Variants in DISC1 observed in about 807,000 individuals in gnomAD.
The protein encoded by DISC1 is DISC1 scaffold protein.
Under a neutral mutation model 84.5 loss-of-function variants are expected in DISC1, and 57 were observed. The ratio of observed to expected loss-of-function variants is 0.67; its 90% confidence interval spans 0.55 to 0.84. The LOEUF is 0.84. Among genes scored for constraint, DISC1 ranks in the 40% least tolerant of loss-of-function variants. DISC1 has a pLI of 0.00. For missense variants in DISC1, 1,000 were observed against 1,057.8 expected, an observed-to-expected ratio of 0.95 and a Z score of 0.76; for synonymous variants, 411 against 415.2, an observed-to-expected ratio of 0.99 and a Z score of 0.12.
At chr1:231,867,019 A>T (rs1333258131) in intron 9 of DISC1, among the ~76,000 whole-genome samples, 1 of 152,154 alleles carries the variant, frequency 6.6e-6, no homozygotes, top group Non-Finnish European at 1.5e-5. Context: ...ATAACACATA[A>T]ATCAACACAA....
intron 9 of DISC1, among the ~76,000 whole-genome samples, chr1:231,878,650 A>C (rs1328878783): frequency 6.6e-6 from 1 of 152,032 alleles, no homozygotes; most frequent in African/African-American, 2.4e-5. Context: ...TTTTTACTGG[A>C]GTGTAATATG....
At chr1:231,726,636 C>T (rs188354513) in intron 3 of DISC1, among the ~76,000 whole-genome samples, 59 of 152,270 alleles carry the variant, frequency 3.9e-4, no homozygotes, top group African/African-American at 1.4e-3. Context: ...AGACAATATT[C>T]TCAAAAGCAG....
intron 2 of DISC1, among the ~76,000 whole-genome samples, chr1:231,701,422 G>T (rs1463974195): frequency 2.0e-5 from 3 of 152,176 alleles, no homozygotes; most frequent in African/African-American, 7.2e-5. Flanking sequence ...CTCCATGTGG[G>T]TTAAATAAGA....
intron 9 of DISC1, among the ~76,000 whole-genome samples, chr1:231,894,633 G>A (rs1772686): frequency 0.37 from 56,478 of 151,404 alleles, 10,879 homozygotes; most frequent in African/African-American, 0.46. Flanking sequence ...ATTTTTTAAA[G>A]TTTCCATCTG....
chr1:231,752,336 G>A (rs374049456), intron 4 of DISC1, among the ~76,000 whole-genome samples: 4 of 152,286 alleles, frequency 2.6e-5, no homozygotes, highest in African/African-American at 7.2e-5. Context: ...TACAATCATG[G>A]TGGAAGGTGA....
intron 3 of DISC1, chr1:231,721,052 C>A: frequency 7.7e-7 from 1 of 1,290,862 alleles, no homozygotes. Context: ...GGAACTTTTC[C>A]CAGCTTTTTT....
intron 1 of DISC1, among the ~76,000 whole-genome samples, chr1:231,658,039 G>T (rs973631037): frequency 6.6e-6 from 1 of 152,140 alleles, no homozygotes; most frequent in African/African-American, 2.4e-5. Flanking sequence ...AGTTTAATGG[G>T]AATAGCATTG....
At chr1:231,997,851 A>T (rs1243040949) in intron 10 of DISC1, among the ~76,000 whole-genome samples, 1 of 152,222 alleles carries the variant, frequency 6.6e-6, no homozygotes, top group Non-Finnish European at 1.5e-5. Context: ...GACCAGCCTA[A>T]GTAGTAAATA....
At chr1:231,739,777 A>G (rs1337164155) in intron 3 of DISC1, among the ~76,000 whole-genome samples, 1 of 152,226 alleles carries the variant, frequency 6.6e-6, no homozygotes, top group African/African-American at 2.4e-5. Flanking sequence ...AGTCTTGTCA[A>G]TCATTTTCAA....
At chr1:231,875,707 T>G (rs2085838987) in intron 9 of DISC1, among the ~76,000 whole-genome samples, 1 of 152,216 alleles carries the variant, frequency 6.6e-6, no homozygotes, top group African/African-American at 2.4e-5. Flanking sequence ...CATGGTCATT[T>G]TCACTCTCCT....
chr1:231,747,738 T>A (rs1334528300), intron 3 of DISC1, among the ~76,000 whole-genome samples: 2 of 152,172 alleles, frequency 1.3e-5, no homozygotes, highest in Non-Finnish European at 2.9e-5. Flanking sequence ...TTACTTTGGT[T>A]ATTTGGGGTC....
At chr1:231,685,948 T>C (rs2064218577) in intron 1 of DISC1, among the ~76,000 whole-genome samples, 1 of 152,150 alleles carries the variant, frequency 6.6e-6, no homozygotes, top group Admixed American at 6.5e-5. Flanking sequence ...ACAGGGCCCA[T>C]GCAAGTCCAA....
intron 1 of DISC1, among the ~76,000 whole-genome samples, chr1:231,650,941 T>C (rs1407806409): frequency 1.3e-5 from 2 of 152,192 alleles, no homozygotes; most frequent in African/African-American, 4.8e-5. Flanking sequence ...CTCTACACTG[T>C]TTATTCTAGT....
intron 9 of DISC1, among the ~76,000 whole-genome samples, chr1:231,916,641 C>T (rs1387172733): frequency 8.2e-6 from 1 of 121,658 alleles, no homozygotes; most frequent in Non-Finnish European, 1.6e-5. Flanking sequence ...GGCGACAGAG[C>T]GAGACTCCGT....
intron 9 of DISC1, among the ~76,000 whole-genome samples, chr1:231,843,430 G>T (rs2083225725): frequency 6.6e-6 from 1 of 152,044 alleles, no homozygotes; most frequent in Non-Finnish European, 1.5e-5. Flanking sequence ...TTTAAGCAGG[G>T]AGTGATCTGA....
At chr1:231,776,164 T>G (rs1448349168) in intron 6 of DISC1, among the ~76,000 whole-genome samples, 1 of 152,184 alleles carries the variant, frequency 6.6e-6, no homozygotes, top group Non-Finnish European at 1.5e-5. Flanking sequence ...TGTGACCTCA[T>G]GTAGCATGCA....
intron 9 of DISC1, among the ~76,000 whole-genome samples, chr1:231,842,021 A>G (rs974384247): frequency 6.6e-6 from 1 of 152,002 alleles, no homozygotes; most frequent in East Asian, 1.9e-4. Flanking sequence ...TTTTTTTAAG[A>G]GAGGGTCTTG....
chr1:231,670,675 T>C (rs987021336), intron 1 of DISC1: 5 of 152,208 alleles, frequency 3.3e-5, no homozygotes, highest in African/African-American at 1.2e-4. Context: ...CTTGTGACTT[T>C]TACGAAAGAT....
chr1:231,830,973 G>A (rs1234786970), intron 9 of DISC1, among the ~76,000 whole-genome samples: 5 of 152,242 alleles, frequency 3.3e-5, no homozygotes, highest in East Asian at 1.9e-4. Flanking sequence ...ATAAAGGCTC[G>A]TCTGTTATCA....
Sources: gnomAD v4.1 joint callset for allele counts (sites outside exome capture counted in the v4.1 genomes callset) on GRCh38, gnomAD v4.1.1 for gene constraint, MANE v1.5 for transcripts, NCBI Gene and HGNC (gene_info 2026-07-23, HGNC 2026-07-21) for gene names.